Variants in ATF7 observed in about 807,000 individuals in gnomAD.
The protein encoded by ATF7 is activating transcription factor 7.
ATF7 carries 10 observed loss-of-function variants against 50.4 expected under a neutral mutation model. The observed-to-expected ratio is 0.20, with a 90% CI of 0.12 to 0.34. The LOEUF (loss-of-function observed/expected upper bound fraction) is 0.34, where lower values mean the gene tolerates loss of function less well. ATF7 is among the 10% of genes least tolerant of loss of function. The probability of loss-of-function intolerance (pLI) is 1.00; values close to 1 mark genes in which losing one functional copy is unlikely to be tolerated. For synonymous variants in ATF7, 201 were observed against 226.4 expected, an observed-to-expected ratio of 0.89 and a Z score of 1.01; for missense variants, 465 against 613.9, an observed-to-expected ratio of 0.76 and a Z score of 2.56.
chr12:53,615,341 G>A (rs1311622045), intron 1 of ATF7, among the ~76,000 whole-genome samples: 3 of 152,008 alleles, frequency 2.0e-5, no homozygotes, highest in Non-Finnish European at 2.9e-5. Context: ...CCGAGCTCGT[G>A]CCACTGCACT....
chr12:53,608,924 G>GA (rs1943727430), intron 1 of ATF7, among the ~76,000 whole-genome samples: 1 of 152,158 alleles, frequency 6.6e-6, no homozygotes, highest in Non-Finnish European at 1.5e-5. Flanking sequence ...CATGAACTGT[G>GA]AGACTATAAT....
chr12:53,538,109 T>C (rs892046511), intron 4 of ATF7, among the ~76,000 whole-genome samples: 2 of 152,148 alleles, frequency 1.3e-5, no homozygotes, highest in Non-Finnish European at 2.9e-5. Flanking sequence ...AAGATGAAGA[T>C]AATACCTGCT....
chr12:53,575,245 TA>T (rs1941995092), intron 2 of ATF7, among the ~76,000 whole-genome samples: 3 of 151,900 alleles, frequency 2.0e-5, no homozygotes. Context: ...CTGTCTCTAC[TA>T]AAAATACAAA....
At chr12:53,557,415 T>G (rs1052916859) in intron 2 of ATF7, among the ~76,000 whole-genome samples, 7 of 152,212 alleles carry the variant, frequency 4.6e-5, no homozygotes, top group African/African-American at 1.7e-4. Flanking sequence ...TTGCCCAGGC[T>G]GGTCTTGAAC....
At chr12:53,619,959 A>G (rs897990847) in intron 1 of ATF7, among the ~76,000 whole-genome samples, 1 of 152,096 alleles carries the variant, frequency 6.6e-6, no homozygotes, top group African/African-American at 2.4e-5. Context: ...CAGCCTGGGA[A>G]ACATGATGAG....
intron 3 of ATF7, among the ~76,000 whole-genome samples, chr12:53,545,067 G>A (rs1379722739): frequency 6.6e-6 from 1 of 152,106 alleles, no homozygotes; most frequent in Non-Finnish European, 1.5e-5. Context: ...ACAGGAGGGG[G>A]CAGCTAAGGG....
In ATF7 at chr12:53,524,201, T is replaced by G. The variant is rs769816541; in HGVS notation, c.1125+363A>C. Among the ~76,000 whole-genome samples, 1 of 152,268 alleles carries G rather than the reference T, an allele frequency of 6.6e-6. No individual in the cohort carries two copies. The highest frequency in any genetic ancestry group is 1.5e-5 in the Non-Finnish European group (1 of 68,048). On this transcript the variant is annotated intron_variant, in intron 10 of 11. Coordinates refer to ENST00000420353, the MANE Select transcript of ATF7 (RefSeq NM_006856.3). This position sits in a 1 kb window ranked among gnomAD's most constrained non-coding sequence, Gnocchi z 4.6. ...TTCTATTTGTGCTTGTAGCACTTTTTTCTTTCTCTCTTTTATTAAGCTGCA... is the reference window on the plus strand; with the variant it reads ...TTCTATTTGTGCTTGTAGCACTTTTGTCTTTCTCTCTTTTATTAAGCTGCA...
At chr12:53,529,700 T>C (rs1209979481) in intron 9 of ATF7, among the ~76,000 whole-genome samples, 24 of 85,138 alleles carry the variant, frequency 2.8e-4, no homozygotes, top group African/African-American at 1.1e-3. Flanking sequence ...AATACATATA[T>C]ATATACACAT....
intron 1 of ATF7, among the ~76,000 whole-genome samples, chr12:53,604,411 G>A (rs777253396): frequency 9.2e-5 from 14 of 152,060 alleles, no homozygotes; most frequent in Non-Finnish European, 1.6e-4. Flanking sequence ...ATCCTAAAAT[G>A]GTCACTGTGT....
intron 1 of ATF7, among the ~76,000 whole-genome samples, chr12:53,612,797 A>G (rs189913591): frequency 6.6e-6 from 1 of 152,346 alleles, no homozygotes; most frequent in Non-Finnish European, 1.5e-5. Flanking sequence ...TGCAGCCAGG[A>G]GTTCGAGACC....
chr12:53,562,457 T>C (rs992075518), intron 2 of ATF7, among the ~76,000 whole-genome samples: 2 of 151,974 alleles, frequency 1.3e-5, no homozygotes, highest in Non-Finnish European at 2.9e-5. Context: ...CTGGCCAACA[T>C]GGTGAAACCC....
At position 53,572,470 on chromosome 12, in the gene ATF7, C is replaced by A. The variant is rs1941815649; in HGVS notation, c.49-19833G>T. On this transcript the variant is annotated intron_variant, in intron 2 of 11. Coordinates refer to ENST00000420353, the MANE Select transcript of ATF7 (RefSeq NM_006856.3). ...CCAGGGAGACCCAGTCACAGAGGAG[C>A]CCCCACACCGTTGTGAGATTTACCT... Among the ~76,000 whole-genome samples the A allele has an allele frequency of 2.0e-5, 3 of 152,264 alleles. No individual in the cohort carries two copies. The South Asian group carries it at 6.2e-4, about 32-fold the overall frequency.
At chr12:53,571,674 G>A (rs1461699446) in intron 2 of ATF7, among the ~76,000 whole-genome samples, 2 of 149,864 alleles carry the variant, frequency 1.3e-5, no homozygotes, top group African/African-American at 2.5e-5. Flanking sequence ...AGACAAATCC[G>A]CACTGAAATA....
At chr12:53,566,555 G>A (rs987770652) in intron 2 of ATF7, among the ~76,000 whole-genome samples, 1 of 152,134 alleles carries the variant, frequency 6.6e-6, no homozygotes, top group African/African-American at 2.4e-5. Flanking sequence ...GAACAAGAGA[G>A]TTCCTGATGC....
chr12:53,559,327 A>G (rs1940950541), intron 2 of ATF7, among the ~76,000 whole-genome samples: 1 of 151,694 alleles, frequency 6.6e-6, no homozygotes, highest in Non-Finnish European at 1.5e-5. Flanking sequence ...AGCCTTCCAA[A>G]GTGCTGGGAT....
At chr12:53,521,961 AT>A (rs1247675224) in intron 11 of ATF7, among the ~76,000 whole-genome samples, 1 of 152,362 alleles carries the variant, frequency 6.6e-6, no homozygotes, top group Non-Finnish European at 1.5e-5. Context: ...CAGTGGAAAA[AT>A]AATACAATAT....
chr12:53,528,128 AC>A (rs1303457399), intron 9 of ATF7, among the ~76,000 whole-genome samples: 2 of 152,030 alleles, frequency 1.3e-5, no homozygotes, highest in Non-Finnish European at 2.9e-5. Flanking sequence ...GATGTGAGCC[AC>A]CCTGCCCGGC....
At chr12:53,534,365 GA>G (rs2137390872) in intron 6 of ATF7, 136 bp downstream of exon 6, 4 of 1,309,492 alleles carry the variant, frequency 3.1e-6, no homozygotes, top group East Asian at 4.6e-5. Flanking sequence ...GTTTATGGGG[GA>G]AAAATTTATT....
At chr12:53,556,774 G>A (rs749945047) in intron 2 of ATF7, among the ~76,000 whole-genome samples, 25 of 152,182 alleles carry the variant, frequency 1.6e-4, no homozygotes, top group Non-Finnish European at 2.8e-4. Flanking sequence ...GGGGGCTGTG[G>A]GTGCTTGGTA....
Sources: gnomAD v4.1 joint callset for allele counts (sites outside exome capture counted in the v4.1 genomes callset) on GRCh38, gnomAD v4.1.1 for gene constraint, Gnocchi (gnomAD v3.1) non-coding constraint, MANE v1.5 for transcripts, NCBI Gene and HGNC (gene_info 2026-07-23, HGNC 2026-07-21) for gene names.